Variants in SMPD4 observed in about 807,000 individuals in gnomAD.
SMPD4 encodes the protein sphingomyelin phosphodiesterase 4.
SMPD4 carries 58 observed loss-of-function variants against 97.8 expected under a neutral mutation model. That is an observed-to-expected ratio of 0.59 (90% confidence interval 0.48 to 0.74). The LOEUF is 0.74. Ranked by LOEUF, SMPD4 falls within the 30% of genes least tolerant of loss-of-function variation. The pLI, the probability that SMPD4 is intolerant of heterozygous loss-of-function variation, is 0.00. For synonymous variants in SMPD4, 388 were observed against 450.0 expected (o/e 0.86, Z 1.74); for missense variants, 853 against 1,080.5 (o/e 0.79, Z 2.95).
At chr2:130,174,819 G>C (rs888229217) in intron 3 of SMPD4, 95 bp downstream of exon 3, 153 of 860,478 alleles carry the variant, frequency 1.8e-4, no homozygotes, top group Non-Finnish European at 2.7e-4. Flanking sequence ...GGCAGTGCTC[G>C]GGGTTGGGGC....
intron 1 of SMPD4, among the ~76,000 whole-genome samples, chr2:130,178,850 T>A (rs1012650473): frequency 6.6e-6 from 1 of 150,656 alleles, no homozygotes; most frequent in Non-Finnish European, 1.5e-5. Context: ...CTTTCCAGAA[T>A]CCTACCTCTC....
chr2:130,170,746 C>A (rs988278173), intron 8 of SMPD4, among the ~76,000 whole-genome samples: 1 of 151,280 alleles, frequency 6.6e-6, no homozygotes, highest in Non-Finnish European at 1.5e-5. Flanking sequence ...GCTGAGCAAC[C>A]CAGCCAGGCC....
At chr2:130,164,264 T>G (rs1573695366) in intron 10 of SMPD4, 110 bp downstream of exon 10, 1 of 915,464 alleles carries the variant, frequency 1.1e-6, no homozygotes, top group Non-Finnish European at 1.8e-6. Context: ...GGGTGGTGGG[T>G]TTCTGCTTCC....
intron 8 of SMPD4, among the ~76,000 whole-genome samples, chr2:130,169,832 G>A (rs182335885): frequency 3.3e-5 from 5 of 152,286 alleles, no homozygotes; most frequent in South Asian, 4.1e-4. Flanking sequence ...GATTACAGGC[G>A]TGAGCCACTG....
chr2:130,166,009 A>T (rs1687892276), intron 9 of SMPD4, among the ~76,000 whole-genome samples: 1 of 152,120 alleles, frequency 6.6e-6, no homozygotes, highest in South Asian at 2.1e-4. Context: ...TCTTATAATT[A>T]AATTTTTTTC....
chr2:130,158,467 C>T (rs1413664996), intron 11 of SMPD4, among the ~76,000 whole-genome samples: 2 of 152,140 alleles, frequency 1.3e-5, no homozygotes, highest in Non-Finnish European at 2.9e-5. Flanking sequence ...CAAGTGTGTG[C>T]CACCATGCCC....
At position 130,167,609 on chromosome 2, in the gene SMPD4, C is replaced by T; in HGVS notation, c.660-19G>A. 6.3e-7 allele frequency: 1 copy of T among 1,582,782 alleles called. No individual in the cohort carries two copies. The highest frequency in any genetic ancestry group is 8.6e-7 in the Non-Finnish European group (1 of 1,161,316). ...TGGTGTCCTGAGGGAGACACAGAAA[C>T]AGGCCCGAGTTACAGGCTCCCGCTG... On this transcript the variant is annotated intron_variant, in intron 8 of 19. Coordinates refer to ENST00000680298, the MANE Select transcript of SMPD4 (RefSeq NM_017951.5).
intron 12 of SMPD4, among the ~76,000 whole-genome samples, 198 bp downstream of exon 12, chr2:130,157,053 G>A (rs1344422773): frequency 6.6e-6 from 1 of 152,054 alleles, no homozygotes; most frequent in Non-Finnish European, 1.5e-5. Flanking sequence ...CCAGTCTGGA[G>A]AGAGAGGCTC....
rs147018179 is a variant in SMPD4 at position 130,153,531 on chromosome 2, G to A, written c.1894-81C>T. The stretch of plus-strand genomic sequence containing the variant: ...CTTCACCCCACCAGCCTACAACAGT[G>A]GCAACAAGGGGACCCAGCTATGACG... On this transcript the variant is annotated intron_variant, in intron 17 of 19. Coordinates refer to ENST00000680298, the MANE Select transcript of SMPD4 (RefSeq NM_017951.5). 7,611 of 1,590,342 alleles carry A rather than the reference G, an allele frequency of 4.8e-3. 82 individuals are homozygous for A. Among genetic ancestry groups the A allele is most frequent in the Middle Eastern group, 0.023 (118 of 5,196 alleles).
intron 9 of SMPD4, among the ~76,000 whole-genome samples, chr2:130,164,751 T>C (rs1278008549): frequency 4.0e-5 from 6 of 151,788 alleles, no homozygotes; most frequent in Non-Finnish European, 8.8e-5. Flanking sequence ...GGAAAAAAAA[T>C]AGACAACTAG....
At position 130,163,378 on chromosome 2, in the gene SMPD4, G is replaced by A. The variant is rs555298136; in HGVS notation, c.864+996C>T. ...AGGGTGAGGATTTGGGGGACCCTAT[G>A]CTCTGAGAGAGCCTCCACATGGCAA... is the stretch of plus-strand genomic sequence containing the variant. On this transcript the variant is annotated intron_variant, in intron 10 of 19. Transcript: ENST00000680298. Among the ~76,000 whole-genome samples the A allele has an allele frequency of 2.6e-5, 4 of 152,352 alleles. No homozygotes were observed. In the South Asian group the frequency reaches 8.3e-4, roughly 32 times the overall value.
intron 19 of SMPD4, 53 bp from the exon 20 acceptor site, chr2:130,152,937 A>G: frequency 4.5e-6 from 7 of 1,559,268 alleles, no homozygotes; most frequent in Non-Finnish European, 6.1e-6. Context: ...CACAGGCCTC[A>G]GGACAGCAGT....
At chr2:130,154,200 G>A in intron 16 of SMPD4, 77 bp downstream of exon 16, 1 of 1,468,040 alleles carries the variant, frequency 6.8e-7, no homozygotes, top group South Asian at 1.4e-5. Context: ...CTTCCTGCTG[G>A]ATCACAGCAC....
At chr2:130,171,406 G>A (rs2897674) in intron 8 of SMPD4, among the ~76,000 whole-genome samples, 53,241 of 151,880 alleles carry the variant, frequency 0.35, 9,623 homozygotes, top group East Asian at 0.46. Flanking sequence ...CCCAGCCTAC[G>A]TATATAATTT....
chr2:130,153,756 C>G lies in SMPD4; in HGVS notation c.1839G>C (p.Arg613=), dbSNP rs371404570. 42 of 1,613,876 alleles carry G rather than the reference C, an allele frequency of 2.6e-5. No individual in the cohort carries two copies. Among genetic ancestry groups the G allele is most frequent in the Non-Finnish European group, 3.4e-5 (40 of 1,179,878 alleles). ...DLDEMGQDSV[R]KTDEYLEKAL... ...CCTTCTCCAGGTATTCATCTGTCTT[C>G]CGGACACTGTCTTGCCCCATCTCGT... is the stretch of plus-strand genomic sequence containing the variant. The change falls in exon 17 of 20, where the codon CGG becomes CGC. Residue 613 remains arginine (R), a synonymous_variant. Transcript: ENST00000680298.
intron 1 of SMPD4, 78 bp downstream of exon 1, chr2:130,181,452 C>T: frequency 7.9e-6 from 12 of 1,527,818 alleles, no homozygotes; most frequent in South Asian, 1.2e-5. Flanking sequence ...CGCGGAGGAA[C>T]GGAGATGGCC....
At chr2:130,172,705 C>A (rs771165243) in intron 6 of SMPD4, 28 bp from the exon 7 acceptor site, 4 of 1,614,184 alleles carry the variant, frequency 2.5e-6, no homozygotes, top group South Asian at 1.1e-5. Flanking sequence ...GGCAAACATG[C>A]AGGGTTGATG....
At chr2:130,153,001 A>AT in intron 19 of SMPD4, 42 bp downstream of exon 19, 1 of 1,589,656 alleles carries the variant, frequency 6.3e-7, no homozygotes, top group South Asian at 1.1e-5. Context: ...AGCATCTAGA[A>AT]CCCTCTCTGA....
At chr2:130,155,305 CATGCCCCTA>C in intron 14 of SMPD4, 46 bp from the exon 15 acceptor site, 4 of 1,610,842 alleles carry the variant, frequency 2.5e-6, no homozygotes, top group Non-Finnish European at 2.5e-6. Context: ...CAACTGGAAG[CATGCCCCTA>C]ATGCCCGGTC....
Sources: allele counts gnomAD v4.1 joint callset (sites outside exome capture counted in the v4.1 genomes callset), GRCh38; gene constraint gnomAD v4.1.1; transcripts MANE v1.5; gene names NCBI Gene and HGNC (gene_info 2026-07-23, HGNC 2026-07-21).